The following KANSL2 variants were observed in gnomAD, a reference collection of about 807,000 sequenced individuals.
KANSL2 encodes the protein NSL complex protein NSL2.
Under a neutral mutation model 55.6 loss-of-function variants are expected in KANSL2, and 34 were observed. The observed-to-expected ratio is 0.61, with a 90% CI of 0.46 to 0.81. The LOEUF (loss-of-function observed/expected upper bound fraction) is 0.81. KANSL2 is among the 40% of genes least tolerant of loss of function. The probability of loss-of-function intolerance (pLI) is 0.00; values close to 1 mark genes in which losing one functional copy is unlikely to be tolerated. For missense variants in KANSL2, 502 were observed against 609.9 expected (o/e 0.82, Z 1.86); for synonymous variants, 209 against 214.3 (o/e 0.98, Z 0.22).
chr12:48,666,624 T>C (rs1051137000), intron 7 of KANSL2, among the ~76,000 whole-genome samples: 3 of 146,396 alleles, frequency 2.0e-5, no homozygotes, highest in Non-Finnish European at 4.5e-5. Context: ...ACCCAGGAGG[T>C]GGAAGTTGCA....
At chr12:48,670,592 A>T (rs189766054) in intron 5 of KANSL2, among the ~76,000 whole-genome samples, 228 of 152,280 alleles carry the variant, frequency 1.5e-3, no homozygotes, top group Non-Finnish European at 2.6e-3. Context: ...TATAAAAAAA[A>T]TTTTTGTACA....
intron 2 of KANSL2, chr12:48,680,155 G>C (rs1939894635): frequency 5.0e-6 from 1 of 198,970 alleles, no homozygotes; most frequent in Non-Finnish European, 1.0e-5. Flanking sequence ...AAACTGCTTG[G>C]TTCAAGCGAT....
chr12:48,670,772 C>CTGG (rs1686661317), intron 5 of KANSL2, among the ~76,000 whole-genome samples: 1 of 151,428 alleles, frequency 6.6e-6, no homozygotes, highest in Non-Finnish European at 1.5e-5. Flanking sequence ...GAGTTCAAGA[C>CTGG]TAACCTGGGC....
In KANSL2 at chr12:48,660,467, C is replaced by T. The variant is rs756793185; in HGVS notation, c.1126G>A (p.Val376Ile). ...LPPQMYKPEQ[V>I]LSVPDDLEAG... ...TCCAGATCGTCTGGCACAGACAGTA[C>T]CTGCTCGGGCTTATACATCTGAGGA... The change falls in exon 8 of 10, where the codon GTA (valine) becomes ATA (isoleucine). Residue 376 changes from valine to isoleucine, a missense_variant. By Grantham distance (29) the Val-to-Ile change is conservative (BLOSUM62 3). Coordinates refer to ENST00000420613, the MANE Select transcript of KANSL2 (RefSeq NM_017822.4). 1.2e-6 allele frequency: 2 copies of T among 1,613,864 alleles called. No homozygotes were observed. The highest frequency in any genetic ancestry group is 1.7e-6 in the Non-Finnish European group (2 of 1,179,856).
At position 48,681,997 on chromosome 12, in the gene KANSL2, C is replaced by T. The variant is rs1025558066; in HGVS notation, c.-10+190G>A. 9 of 703,016 alleles carry T rather than the reference C, an allele frequency of 1.3e-5. 1 individual carries two copies. In the South Asian group the frequency reaches 1.3e-4, roughly 10 times the overall value. 43.5% of individuals were successfully genotyped at this position (703,016 alleles called of 1,614,324 possible). A position where few individuals can be genotyped will look rare whatever the true frequency, so the allele number is the denominator to read the frequency against. On this transcript the variant is annotated intron_variant, in intron 1 of 9. Coordinates refer to ENST00000420613, the MANE Select transcript of KANSL2 (RefSeq NM_017822.4). ...CTCAGAGCGCACGACTGGGCCTGGCCTCGGAAGCCTATGCGAGCGCCATTT... is the reference window on the plus strand; with the variant it reads ...CTCAGAGCGCACGACTGGGCCTGGCTTCGGAAGCCTATGCGAGCGCCATTT...
chr12:48,661,097 T>C (rs1041324003), intron 7 of KANSL2: 11 of 306,916 alleles, frequency 3.6e-5, no homozygotes, highest in African/African-American at 4.5e-5. Context: ...GATGATTACA[T>C]GATAAATTCA....
chr12:48,670,419 T>C (rs1479509036), intron 5 of KANSL2, among the ~76,000 whole-genome samples: 1 of 152,078 alleles, frequency 6.6e-6, no homozygotes, highest in East Asian at 1.9e-4. Flanking sequence ...GTTCGCTGCA[T>C]GAGATTGTCC....
In KANSL2 at chr12:48,653,825, C is replaced by G. The variant is rs558979543; in HGVS notation, c.*219G>C. The stretch of plus-strand genomic sequence containing the variant: ...GTATAGTCCCAAATAATCCCAGAAG[C>G]TTTGATAGGGATTATCTCTCTTTCT... On this transcript the variant is annotated 3_prime_UTR_variant, in exon 10 of 10. Transcript: ENST00000420613. 2 of 427,036 alleles carry G rather than the reference C, an allele frequency of 4.7e-6. No homozygotes were observed. The highest frequency in any genetic ancestry group is 1.3e-4 in the South Asian group (2 of 15,668). 26.5% of individuals were successfully genotyped at this position (427,036 alleles called of 1,614,324 possible). A position where few individuals can be genotyped will look rare whatever the true frequency, so the allele number is the denominator to read the frequency against.
chr12:48,668,984 C>G (rs1939654757), intron 6 of KANSL2, 122 bp downstream of exon 6: 2 of 661,116 alleles, frequency 3.0e-6, no homozygotes. Flanking sequence ...TGAGAGATCT[C>G]AGTGAGCCGA....
Position 48,673,978 on chromosome 12 carries a change from A to C in KANSL2, c.546-2016T>G, listed in dbSNP as rs569459329. On this transcript the variant is annotated intron_variant, in intron 4 of 9. Transcript: ENST00000420613. ...AAATAAATAAATAAATAAATAAATA[A>C]GTGAATAACTTTGAATTTTAAAAAT... 2.0e-5 allele frequency among the ~76,000 whole-genome samples: 3 copies of C among 152,186 alleles called. No homozygotes were observed. In the South Asian group the frequency reaches 6.2e-4, roughly 32 times the overall value.
intron 4 of KANSL2, among the ~76,000 whole-genome samples, chr12:48,674,895 C>T (rs1366138635): frequency 6.6e-6 from 1 of 151,350 alleles, no homozygotes; most frequent in East Asian, 1.9e-4. Flanking sequence ...CACCGCGCTC[C>T]AGCCTGGGCG....
At chr12:48,655,738 G>A (rs1410261838) in intron 8 of KANSL2, among the ~76,000 whole-genome samples, 1 of 152,120 alleles carries the variant, frequency 6.6e-6, no homozygotes, top group Non-Finnish European at 1.5e-5. Context: ...TGTACAACAT[G>A]GTAAATGTTC....
At chr12:48,668,995 C>T (rs1939655191) in intron 6 of KANSL2, 111 bp downstream of exon 6, 1 of 751,602 alleles carries the variant, frequency 1.3e-6, no homozygotes, top group Non-Finnish European at 1.9e-6. Flanking sequence ...AGTGAGCCGA[C>T]ATCGCACCAC....
chr12:48,665,222 C>A (rs1251732942), intron 7 of KANSL2, among the ~76,000 whole-genome samples: 2 of 152,192 alleles, frequency 1.3e-5, no homozygotes, highest in African/African-American at 4.8e-5. Context: ...TAAAAATCAG[C>A]TTCCTGTCAA....
chr12:48,676,517 G>A (rs376919197), intron 4 of KANSL2, among the ~76,000 whole-genome samples: 18 of 152,134 alleles, frequency 1.2e-4, no homozygotes, highest in Admixed American at 1.2e-3. Flanking sequence ...AATCAGCTGG[G>A]TGTGGTGGCG....
intron 3 of KANSL2, 32 bp downstream of exon 3, chr12:48,679,622 CT>C: frequency 6.3e-7 from 1 of 1,591,568 alleles, no homozygotes; most frequent in Non-Finnish European, 8.6e-7. Context: ...AACTTTCTTC[CT>C]CCTTTTTCAT....
At chr12:48,675,161 C>A (rs1012248512) in intron 4 of KANSL2, among the ~76,000 whole-genome samples, 5 of 151,686 alleles carry the variant, frequency 3.3e-5, no homozygotes, top group African/African-American at 9.7e-5. Context: ...TTTGGGAGAC[C>A]GAGGTGGGCA....
At chr12:48,661,798 G>T (rs1409649815) in intron 7 of KANSL2, among the ~76,000 whole-genome samples, 1 of 152,214 alleles carries the variant, frequency 6.6e-6, no homozygotes, top group African/African-American at 2.4e-5. Context: ...GAAGAAGGAT[G>T]TATAGCAGCA....
At position 48,653,951 on chromosome 12, in the gene KANSL2, T is replaced by G; in HGVS notation, c.*93A>C. On this transcript the variant is annotated 3_prime_UTR_variant, in exon 10 of 10. Coordinates refer to ENST00000420613, the MANE Select transcript of KANSL2 (RefSeq NM_017822.4). ...AATCCAGAAGAAAAACAAGGTAGTC[T>G]GGGTTGCCTGTGTTTTGTGAGAGAT... The G allele has an allele frequency of 1.5e-6, 2 of 1,315,904 alleles. No individual in the cohort carries two copies. Among genetic ancestry groups the G allele is most frequent in the Non-Finnish European group, 2.0e-6 (2 of 976,736 alleles). 81.5% of individuals were successfully genotyped at this position (1,315,904 alleles called of 1,614,324 possible).
Sources: gnomAD v4.1 joint callset for allele counts (sites outside exome capture counted in the v4.1 genomes callset) on GRCh38, gnomAD v4.1.1 for gene constraint, MANE v1.5 for transcripts, NCBI Gene and HGNC (gene_info 2026-07-23, HGNC 2026-07-21) for gene names.